UNC79: variants seen among roughly 807,000 people sequenced by gnomAD.
UNC79 encodes protein unc-79 homolog.
UNC79 carries 37 observed loss-of-function variants against 283.1 expected under a neutral mutation model. The observed-to-expected ratio is 0.13, with a 90% CI of 0.10 to 0.17. The LOEUF is 0.17. Among genes scored for constraint, UNC79 ranks in the 10% least tolerant of loss-of-function variants. The pLI is 1.00. For missense variants in UNC79, 2,272 were observed against 3,211.1 expected, an observed-to-expected ratio of 0.71 and a Z score of 7.07; for synonymous variants, 1,107 against 1,200.2, an observed-to-expected ratio of 0.92 and a Z score of 1.61.
intron 19 of UNC79, 130 bp downstream of exon 19, chr14:93,580,506 G>C: frequency 1.0e-6 from 1 of 963,368 alleles, no homozygotes; most frequent in Non-Finnish European, 1.5e-6. Context: ...TGTGTTAAAA[G>C]AAACTTTTCC....
chr14:93,602,889 C>T (rs986689124), intron 25 of UNC79, among the ~76,000 whole-genome samples: 1 of 152,130 alleles, frequency 6.6e-6, no homozygotes, highest in African/African-American at 2.4e-5. Flanking sequence ...GATCCTCCCA[C>T]CATGGCCTCC....
At chr14:93,571,559 A>G (rs2063210163) in intron 14 of UNC79, among the ~76,000 whole-genome samples, 1 of 152,248 alleles carries the variant, frequency 6.6e-6, no homozygotes, top group South Asian at 2.1e-4. Flanking sequence ...GACTTGAGGA[A>G]TAAGAATGCT....
chr14:93,379,920 C>G (rs942862576), intron 1 of UNC79, among the ~76,000 whole-genome samples: 1 of 152,148 alleles, frequency 6.6e-6, no homozygotes, highest in African/African-American at 2.4e-5. Flanking sequence ...CAGGGCTTCT[C>G]AAATATTGAT....
chr14:93,629,170 G>C (rs1211660815), intron 30 of UNC79, among the ~76,000 whole-genome samples: 1 of 152,152 alleles, frequency 6.6e-6, no homozygotes, highest in Non-Finnish European at 1.5e-5. Flanking sequence ...CTGCACTCCA[G>C]ACTGGGCAAT....
intron 1 of UNC79, among the ~76,000 whole-genome samples, chr14:93,440,369 A>G (rs1214384912): frequency 2.0e-5 from 3 of 151,542 alleles, no homozygotes; most frequent in East Asian, 1.9e-4. Flanking sequence ...TATTTTGTCG[A>G]TTTCTTTTTC....
intron 1 of UNC79, among the ~76,000 whole-genome samples, chr14:93,403,012 G>T (rs1228338712): frequency 6.6e-6 from 1 of 152,190 alleles, no homozygotes; most frequent in Non-Finnish European, 1.5e-5. Context: ...TGTCTAGAAA[G>T]TCACGACAAC....
chr14:93,369,494 T>A (rs1566896680), intron 1 of UNC79, among the ~76,000 whole-genome samples: 2 of 152,292 alleles, frequency 1.3e-5, no homozygotes, highest in South Asian at 2.1e-4. Flanking sequence ...CTTCCAGGAT[T>A]AGAGTGTCAT....
rs548517320 is a variant in UNC79, at chr14:93,388,683, A to G, written c.-351+55160A>G. On this transcript the variant is annotated intron_variant, in intron 1 of 49. Coordinates refer to the UNC79 transcript ENST00000256339. ...TCAGTTTTATGAGTGAACACTTTCA[A>G]ATAAAGACCACTTTCCTGGAGGAAG... Among the ~76,000 whole-genome samples the G allele has an allele frequency of 2.6e-4, 39 of 152,318 alleles. No homozygotes were observed. In the South Asian group the frequency reaches 7.9e-3, roughly 31 times the overall value.
chr14:93,524,247 G>A (rs779975769), intron 8 of UNC79, among the ~76,000 whole-genome samples: 13 of 152,180 alleles, frequency 8.5e-5, no homozygotes, highest in Non-Finnish European at 1.6e-4. Flanking sequence ...TTGGCTATGC[G>A]TTCGTAGCCA....
At chr14:93,349,357 C>T (rs1265506187) in intron 1 of UNC79, among the ~76,000 whole-genome samples, 1 of 152,100 alleles carries the variant, frequency 6.6e-6, no homozygotes, top group Non-Finnish European at 1.5e-5. Flanking sequence ...CAAGACTGGC[C>T]GTCTGGTAGG....
chr14:93,654,031 T>A lies in UNC79; in HGVS notation c.6282+6T>A. On this transcript the variant is annotated splice_donor_region_variant and intron_variant, in intron 37 of 48. Transcript: ENST00000555664. The stretch of plus-strand genomic sequence containing the variant: ...CTCTCAGTCAGCTCCTAGAGGTGGG[T>A]TTCCTTTAATGACACCCTAAGCCCC... The A allele has an allele frequency of 1.2e-6, 2 of 1,613,910 alleles. No homozygotes were observed. Among genetic ancestry groups the A allele is most frequent in the Non-Finnish European group, 1.7e-6 (2 of 1,179,880 alleles).
chr14:93,377,910 C>T (rs897574150), intron 1 of UNC79, among the ~76,000 whole-genome samples: 8 of 152,156 alleles, frequency 5.3e-5, no homozygotes, highest in African/African-American at 1.7e-4. Flanking sequence ...GGATCCCTGC[C>T]GTGTGGTCTG....
At chr14:93,580,322 G>C (rs757273017) in exon 19 of UNC79, 1 of 1,614,202 alleles carries the variant, frequency 6.2e-7, no homozygotes, top group Admixed American at 1.7e-5. Context: ...TCTGCTATCA[G>C]CTTGCTTGTG....
chr14:93,604,115 A>G (rs1736514443), intron 26 of UNC79, among the ~76,000 whole-genome samples: 1 of 152,188 alleles, frequency 6.6e-6, no homozygotes, highest in Non-Finnish European at 1.5e-5. Context: ...TGACTCATGA[A>G]GGACAAATAA....
chr14:93,472,714 A>T (rs920198315), intron 2 of UNC79, among the ~76,000 whole-genome samples: 1 of 152,136 alleles, frequency 6.6e-6, no homozygotes, highest in African/African-American at 2.4e-5. Context: ...CATGCTTGAC[A>T]CTAACCAATT....
At chr14:93,620,799 G>T (rs2139911220) in intron 29 of UNC79, 93 bp from the exon 31 acceptor site, 1 of 356,720 alleles carries the variant, frequency 2.8e-6, no homozygotes, top group South Asian at 2.5e-5. Flanking sequence ...CCCAGACCTT[G>T]TTCCATAATG....
chr14:93,544,071 T>C (rs2061493814), intron 14 of UNC79, among the ~76,000 whole-genome samples: 1 of 152,210 alleles, frequency 6.6e-6, no homozygotes, highest in African/African-American at 2.4e-5. Flanking sequence ...ATTATGTCTA[T>C]TGGAATAGTG....
chr14:93,395,992 C>G (rs1287892718), intron 1 of UNC79, among the ~76,000 whole-genome samples: 1 of 152,078 alleles, frequency 6.6e-6, no homozygotes, highest in African/African-American at 2.4e-5. Context: ...TTCTCTTGCT[C>G]CTCTCCTTCT....
chr14:93,673,919 G>C (rs889427352), intron 41 of UNC79, among the ~76,000 whole-genome samples: 10 of 152,160 alleles, frequency 6.6e-5, no homozygotes, highest in African/African-American at 7.2e-5. Flanking sequence ...ATGGCAGGAT[G>C]CACTGAGTGG....
Sources: gnomAD v4.1 joint callset for allele counts (sites outside exome capture counted in the v4.1 genomes callset) on GRCh38, gnomAD v4.1.1 for gene constraint, MANE v1.5 for transcripts, NCBI Gene and HGNC (gene_info 2026-07-23, HGNC 2026-07-21) for gene names.